The following CD8B variants were observed in gnomAD, a reference collection of about 807,000 sequenced individuals.
CD8B encodes CD8 subunit beta.
In CD8B, 6 loss-of-function variants were observed where a neutral mutation model predicts 24.2. The observed-to-expected ratio is 0.25, with a 90% confidence interval of 0.14 to 0.49. The LOEUF (loss-of-function observed/expected upper bound fraction) is 0.49, where lower values mean the gene tolerates loss of function less well. Ranked by LOEUF, CD8B falls within the 20% of genes least tolerant of loss-of-function variation. The probability of loss-of-function intolerance (pLI) is 0.98; values close to 1 mark genes in which losing one functional copy is unlikely to be tolerated. For synonymous variants in CD8B, 84 were observed against 108.3 expected, an observed-to-expected ratio of 0.78 and a Z score of 1.39; for missense variants, 196 against 271.3, an observed-to-expected ratio of 0.72 and a Z score of 1.95.
At chr2:86,821,364 C>CTCGT (rs1674459419) in intron 5 of CD8B, among the ~76,000 whole-genome samples, 1 of 152,250 alleles carries the variant, frequency 6.6e-6, no homozygotes, top group Admixed American at 6.5e-5. Flanking sequence ...TAATATCCAC[C>CTCGT]TCGTTCTGCG....
chr2:86,827,362 A>G (rs1228698301), intron 5 of CD8B, among the ~76,000 whole-genome samples: 1 of 151,940 alleles, frequency 6.6e-6, no homozygotes, highest in East Asian at 1.9e-4. Flanking sequence ...TGTGGTGGCT[A>G]ATGCCTGTAA....
intron 2 of CD8B, among the ~76,000 whole-genome samples, chr2:86,855,899 ATTC>A (rs758797163): frequency 1.3e-5 from 2 of 152,186 alleles, no homozygotes; most frequent in Admixed American, 6.5e-5. Context: ...TCTGTTTTAA[ATTC>A]TTCTTGCCTA....
At chr2:86,851,600 C>T (rs1314471803) in intron 3 of CD8B, among the ~76,000 whole-genome samples, 1 of 152,150 alleles carries the variant, frequency 6.6e-6, no homozygotes, top group African/African-American at 2.4e-5. Flanking sequence ...TCTCCCAGAT[C>T]CTATTCAGTG....
intron 2 of CD8B, among the ~76,000 whole-genome samples, chr2:86,853,682 G>GATTT (rs1209356641): frequency 6.6e-6 from 1 of 151,974 alleles, no homozygotes; most frequent in African/African-American, 2.4e-5. Context: ...CTACACCTCT[G>GATTT]ATTTATTTAT....
chr2:86,848,268 A>G (rs1675786055), intron 3 of CD8B, among the ~76,000 whole-genome samples: 1 of 152,202 alleles, frequency 6.6e-6, no homozygotes. Context: ...GACCCTTGAT[A>G]TCATCAAAAT....
chr2:86,861,078 G>T (rs1023031677), intron 1 of CD8B, among the ~76,000 whole-genome samples: 1 of 152,120 alleles, frequency 6.6e-6, no homozygotes, highest in Non-Finnish European at 1.5e-5. Flanking sequence ...CAGAACCCCC[G>T]GCGGGCAGGC....
chr2:86,844,514 C>G, intron 5 of CD8B: 1 of 705,434 alleles, frequency 1.4e-6, no homozygotes, highest in Non-Finnish European at 2.1e-6. Context: ...TCTGTGCATG[C>G]AAAGCCTGAT....
downstream of CD8B, among the ~76,000 whole-genome samples, chr2:86,834,206 C>T (rs1675074925): frequency 6.6e-6 from 1 of 152,094 alleles, no homozygotes; most frequent in Admixed American, 6.5e-5. Context: ...TGGTGCCCAC[C>T]TGTTTTCCAC....
At chr2:86,850,407 A>G (rs1675917489) in intron 3 of CD8B, among the ~76,000 whole-genome samples, 1 of 152,140 alleles carries the variant, frequency 6.6e-6, no homozygotes, top group African/African-American at 2.4e-5. Context: ...CAGTGACCCC[A>G]TGGGTTTCAT....
rs547856988 is a variant in CD8B, at chr2:86,841,112, C to A, written c.*1195G>T. Among the ~76,000 whole-genome samples, 558 of 149,906 alleles carry A rather than the reference C, an allele frequency of 3.7e-3. 5 individuals carry two copies. The highest frequency in any genetic ancestry group is 0.013 in the African/African-American group (535 of 40,594). On this transcript the variant is annotated 3_prime_UTR_variant, in exon 6 of 6. Transcript: ENST00000390655. ...GCTGCTAAAGCTCAGGTAGGGGCGG[C>A]TAAGATGGGTCTCAGGCACTTTTTC...
chr2:86,822,180 C>G (rs1363357519), intron 5 of CD8B: 1 of 565,304 alleles, frequency 1.8e-6, no homozygotes, highest in African/African-American at 1.9e-5. Flanking sequence ...CTGCAATCTT[C>G]TAACACAAAA....
chr2:86,850,109 A>G (rs996307396), intron 3 of CD8B, among the ~76,000 whole-genome samples: 1 of 152,144 alleles, frequency 6.6e-6, no homozygotes, highest in African/African-American at 2.4e-5. Context: ...ACCACTGTGG[A>G]GGCCAGCAAT....
At chr2:86,861,798 G>A (rs1203395139) in intron 1 of CD8B, 25 bp downstream of exon 1, 3 of 1,273,238 alleles carry the variant, frequency 2.4e-6, no homozygotes, top group Non-Finnish European at 9.9e-7. Flanking sequence ...CAGACCCTTG[G>A]GTAGCCCGCG....
At position 86,842,176 on chromosome 2, in the gene CD8B, T is replaced by C. The variant is rs1675464322; in HGVS notation, c.*131A>G. The C allele has an allele frequency of 6.7e-7, 1 of 1,489,688 alleles. No homozygotes were observed. Among genetic ancestry groups the C allele is most frequent in the Non-Finnish European group, 8.9e-7 (1 of 1,120,124 alleles). 92.3% of individuals were successfully genotyped at this position (1,489,688 alleles called of 1,614,324 possible). On this transcript the variant is annotated 3_prime_UTR_variant, in exon 6 of 6. Coordinates refer to ENST00000390655, the MANE Select transcript of CD8B (RefSeq NM_004931.5). ...CACACACAGAAAGGCCTTGCAGCAG[T>C]GAAAAGCAGGCAGCTTCAGCAGCCA... is the stretch of plus-strand genomic sequence containing the variant.
chr2:86,817,053 AT>A (rs148572655), intron 5 of CD8B, among the ~76,000 whole-genome samples: 1,732 of 152,354 alleles, frequency 0.011, 37 homozygotes, highest in African/African-American at 0.039. Context: ...CAATATCCAA[AT>A]AAAAAGATGC....
chr2:86,859,650 G>A (rs1676467829), intron 1 of CD8B, among the ~76,000 whole-genome samples: 1 of 151,850 alleles, frequency 6.6e-6, no homozygotes, highest in Non-Finnish European at 1.5e-5. Context: ...ACACACCAAG[G>A]CTGCACAGCT....
chr2:86,837,955 C>A (rs1675246865), downstream of CD8B, among the ~76,000 whole-genome samples: 1 of 152,190 alleles, frequency 6.6e-6, no homozygotes, highest in Non-Finnish European at 1.5e-5. Context: ...GAGCCCAGCC[C>A]CATGTGAACT....
Position 86,853,170 on chromosome 2 carries a change from C to T in CD8B, c.404-84G>A, listed in dbSNP as rs567207409. ...ACAAAACTTTGTCTTATGGCGGGTGCGGTGGCTCATGCCTGGAATCCCAAC... is the reference window on the plus strand; with the variant it reads ...ACAAAACTTTGTCTTATGGCGGGTGTGGTGGCTCATGCCTGGAATCCCAAC... On this transcript the variant is annotated intron_variant, in intron 2 of 5. Coordinates refer to ENST00000390655, the MANE Select transcript of CD8B (RefSeq NM_004931.5). The T allele has an allele frequency of 1.9e-5, 30 of 1,545,172 alleles. No homozygotes were observed. The East Asian group carries it at 2.5e-4, about 13-fold the overall frequency.
intron 5 of CD8B, among the ~76,000 whole-genome samples, chr2:86,832,033 GT>G (rs1674922037): frequency 6.6e-6 from 1 of 152,180 alleles, no homozygotes; most frequent in Non-Finnish European, 1.5e-5. Flanking sequence ...GTGGGAAAGG[GT>G]CTTAATTGTG....
Sources: allele counts gnomAD v4.1 joint callset (sites outside exome capture counted in the v4.1 genomes callset), GRCh38; gene constraint gnomAD v4.1.1; transcripts MANE v1.5; gene names NCBI Gene and HGNC (gene_info 2026-07-23, HGNC 2026-07-21).